CEP112: variants seen among roughly 807,000 people sequenced by gnomAD.
CEP112 encodes centrosomal protein 112, also known as centrosomal protein of 112 kDa.
Under a neutral mutation model 153.0 loss-of-function variants are expected in CEP112, and 127 were observed. That is an observed-to-expected ratio of 0.83 (90% CI 0.72 to 0.96). The LOEUF (loss-of-function observed/expected upper bound fraction) is 0.96, where lower values mean the gene tolerates loss of function less well. Ranked by LOEUF, CEP112 falls within the 40% of genes least tolerant of loss-of-function variation. The pLI is 0.00. For synonymous variants in CEP112, 358 were observed against 374.4 expected (o/e 0.96, Z 0.51); for missense variants, 1,089 against 1,101.2 (o/e 0.99, Z 0.16).
intron 9 of CEP112, among the ~76,000 whole-genome samples, chr17:66,067,818 T>A (rs2067178700): frequency 6.6e-6 from 1 of 152,118 alleles, no homozygotes; most frequent in Non-Finnish European, 1.5e-5. Flanking sequence ...CAGAGAGAAG[T>A]CATCAGAAAC....
chr17:65,704,266 C>T (rs1447083270), intron 23 of CEP112, among the ~76,000 whole-genome samples: 1 of 152,120 alleles, frequency 6.6e-6, no homozygotes, highest in Non-Finnish European at 1.5e-5. Context: ...ACCTTGACTT[C>T]GGACTTGTGG....
intron 20 of CEP112, among the ~76,000 whole-genome samples, chr17:65,869,149 T>C (rs2058571618): frequency 6.6e-6 from 1 of 152,228 alleles, no homozygotes; most frequent in Non-Finnish European, 1.5e-5. Flanking sequence ...TCTTCACTAA[T>C]ATTGTCTGTG....
At chr17:66,003,326 T>C (rs1205007755) in intron 17 of CEP112, among the ~76,000 whole-genome samples, 1 of 152,214 alleles carries the variant, frequency 6.6e-6, no homozygotes, top group Non-Finnish European at 1.5e-5. Flanking sequence ...TTATGTTATA[T>C]ATAGAAAACT....
intron 20 of CEP112, among the ~76,000 whole-genome samples, chr17:65,863,572 G>A (rs914259173): frequency 5.4e-5 from 8 of 148,818 alleles, no homozygotes; most frequent in Non-Finnish European, 8.9e-5. Flanking sequence ...TCGAGACCAC[G>A]GTGAAACCCC....
chr17:65,746,924 A>G (rs2051508017), intron 22 of CEP112, among the ~76,000 whole-genome samples: 1 of 152,170 alleles, frequency 6.6e-6, no homozygotes, highest in South Asian at 2.1e-4. Context: ...TTTCATATGG[A>G]TATTAAAAAT....
intron 21 of CEP112, among the ~76,000 whole-genome samples, chr17:65,845,865 G>C (rs994852161): frequency 6.6e-6 from 1 of 152,128 alleles, no homozygotes; most frequent in Non-Finnish European, 1.5e-5. Flanking sequence ...TGACCTTGTG[G>C]AGGTATTTCA....
chr17:65,786,922 C>T (rs566571817), intron 21 of CEP112, among the ~76,000 whole-genome samples: 5 of 152,128 alleles, frequency 3.3e-5, no homozygotes, highest in Non-Finnish European at 7.3e-5. Context: ...ATTTCTGACA[C>T]ATGCCAAATT....
intron 3 of CEP112, among the ~76,000 whole-genome samples, chr17:66,175,762 G>A (rs1336124186): frequency 6.6e-6 from 1 of 152,176 alleles, no homozygotes; most frequent in Non-Finnish European, 1.5e-5. Flanking sequence ...ATTATTATTT[G>A]TTAAATAAAG....
intron 17 of CEP112, among the ~76,000 whole-genome samples, chr17:66,000,492 T>TAAAAAA (rs74269525): frequency 1.4e-5 from 2 of 139,844 alleles, no homozygotes; most frequent in Non-Finnish European, 3.1e-5. Context: ...GTCAGTAGAT[T>TAAAAAA]AAAAAAAAAA....
intron 12 of CEP112, among the ~76,000 whole-genome samples, chr17:66,031,400 A>T (rs2065463441): frequency 6.6e-6 from 1 of 152,060 alleles, no homozygotes; most frequent in African/African-American, 2.4e-5. Flanking sequence ...ATATTCTATT[A>T]TTGGCAATAA....
At chr17:65,687,599 A>G (rs1355160809) in intron 24 of CEP112, among the ~76,000 whole-genome samples, 1 of 152,246 alleles carries the variant, frequency 6.6e-6, no homozygotes, top group Non-Finnish European at 1.5e-5. Flanking sequence ...ATATGTACAT[A>G]CATATGTGAT....
At chr17:65,865,255 T>C (rs2058445941) in intron 20 of CEP112, among the ~76,000 whole-genome samples, 1 of 152,048 alleles carries the variant, frequency 6.6e-6, no homozygotes, top group South Asian at 2.1e-4. Flanking sequence ...TTGCCCAGGA[T>C]GGTCTGGAAC....
chr17:66,017,696 G>GT (rs1461435975), intron 16 of CEP112, among the ~76,000 whole-genome samples: 2 of 151,918 alleles, frequency 1.3e-5, no homozygotes, highest in East Asian at 3.9e-4. Context: ...CTTTTGGTGG[G>GT]TTAAAAAAAA....
chr17:65,740,730 T>A lies in CEP112; in HGVS notation c.2607+2338A>T, dbSNP rs1285138890. On this transcript the variant is annotated intron_variant, in intron 23 of 26. Transcript: ENST00000535342. ...TACTTTTATGGCATTATTGAATATA[T>A]CTGCAGACAAATGTATTTGGTCCCA... 5.3e-5 allele frequency among the ~76,000 whole-genome samples: 8 copies of A among 152,300 alleles called. No individual in the cohort carries two copies. The East Asian group carries it at 1.5e-3, about 29-fold the overall frequency.
At chr17:66,029,015 G>A (rs1351313749) in intron 14 of CEP112, 108 bp downstream of exon 14, 5 of 869,624 alleles carry the variant, frequency 5.7e-6, no homozygotes, top group African/African-American at 5.1e-5. Context: ...AGAATAAAGT[G>A]AAAGAGAGAT....
intron 16 of CEP112, among the ~76,000 whole-genome samples, chr17:66,012,411 A>G (rs1049192552): frequency 6.6e-6 from 1 of 152,172 alleles, no homozygotes. Flanking sequence ...AACCTCTTAT[A>G]AGGTAGGTCT....
chr17:66,002,808 C>A (rs1861748), intron 17 of CEP112, among the ~76,000 whole-genome samples: 141,052 of 152,298 alleles, frequency 0.93, 65,556 homozygotes, highest in East Asian at 0.97. Context: ...AACCCTTATT[C>A]AATGAATGAA....
At chr17:66,065,716 A>C (rs1264792227) in intron 10 of CEP112, among the ~76,000 whole-genome samples, 3 of 143,942 alleles carry the variant, frequency 2.1e-5, no homozygotes, top group Admixed American at 1.4e-4. Flanking sequence ...TGCAAGCTCC[A>C]CCTCCCAGGT....
Position 65,705,318 on chromosome 17 carries a change from G to A in CEP112, c.2608-16100C>T, listed in dbSNP as rs112586203. 9.1e-4 allele frequency among the ~76,000 whole-genome samples: 138 copies of A among 152,280 alleles called. 1 individual carries two copies. Among genetic ancestry groups the A allele is most frequent in the African/African-American group, 3.2e-3 (132 of 41,548 alleles). The stretch of plus-strand genomic sequence containing the variant: ...CCTACATTATTGAGAAGATTCCTCT[G>A]GCAACTTAATTCCTAATGTAAATTT... On this transcript the variant is annotated intron_variant, in intron 23 of 26. Transcript: ENST00000535342.
Sources: gnomAD v4.1 joint callset for allele counts (sites outside exome capture counted in the v4.1 genomes callset) on GRCh38, gnomAD v4.1.1 for gene constraint, MANE v1.5 for transcripts, NCBI Gene and HGNC (gene_info 2026-07-23, HGNC 2026-07-21) for gene names.